POC1B: variants seen among roughly 807,000 people sequenced by gnomAD.
POC1B encodes POC1 centriolar protein homolog B.
In POC1B, 44 loss-of-function variants were observed where a neutral mutation model predicts 60.6. The observed-to-expected ratio is 0.73, with a 90% CI of 0.57 to 0.93. POC1B has a LOEUF of 0.93. Among genes scored for constraint, POC1B ranks in the 40% least tolerant of loss-of-function variants. The pLI is 0.00. For synonymous variants in POC1B, 180 were observed against 198.9 expected (o/e 0.90, Z 0.80); for missense variants, 555 against 572.3 (o/e 0.97, Z 0.31).
At chr12:89,520,286 G>A (rs1398457817) in intron 2 of POC1B, 1 of 151,926 alleles carries the variant, frequency 6.6e-6, no homozygotes, top group Non-Finnish European at 1.5e-5. Context: ...CTTTTGACAG[G>A]AGCATCAAGA....
chr12:89,478,803 C>A (rs534082144), intron 4 of POC1B, among the ~76,000 whole-genome samples: 1 of 152,186 alleles, frequency 6.6e-6, no homozygotes, highest in African/African-American at 2.4e-5. Flanking sequence ...CTATCAACAA[C>A]TGAAAATTAT....
In POC1B at chr12:89,425,143, A is replaced by AACCTGTGTCATGCCC; in HGVS notation, c.1332+3_1332+17dup. 1 of 1,612,366 alleles carries AACCTGTGTCATGCCC rather than the reference A, an allele frequency of 6.2e-7. No homozygotes were observed. The highest frequency in any genetic ancestry group is 1.1e-5 in the South Asian group (1 of 91,006). ...TTTTACCCCCAAGTGCAACTCATGC[A>AACCTGTGTCATGCCC]ACCTGTGTCATGCCCACCTGTGTCA... is the stretch of plus-strand genomic sequence containing the variant. On this transcript the variant is annotated intron_variant, in intron 11 of 11. Coordinates refer to ENST00000313546, the MANE Select transcript of POC1B (RefSeq NM_172240.3).
chr12:89,524,941 C>T (rs898549540), intron 2 of POC1B, 179 bp downstream of exon 2: 8 of 993,402 alleles, frequency 8.1e-6, no homozygotes, highest in Non-Finnish European at 1.0e-5. Context: ...GGCTGGGGGC[C>T]GGGATGGCAG....
chr12:89,421,023 C>A lies in POC1B; in HGVS notation c.*130G>T. 1.5e-6 allele frequency: 1 copy of A among 654,942 alleles called. No individual in the cohort carries two copies. Among genetic ancestry groups the A allele is most frequent in the Non-Finnish European group, 2.5e-6 (1 of 407,144 alleles). The allele number at this position is 654,942 out of a possible 1,614,324, so 40.6% of individuals were successfully genotyped here. ...TCTGCCTTTTGTTCTGTTGCTCACCCTTTTAAGAAATGCCATGATAAATAG... is the reference window on the plus strand; with the variant it reads ...TCTGCCTTTTGTTCTGTTGCTCACCATTTTAAGAAATGCCATGATAAATAG... On this transcript the variant is annotated 3_prime_UTR_variant, in exon 12 of 12. Transcript: ENST00000313546.
intron 10 of POC1B, among the ~76,000 whole-genome samples, chr12:89,451,922 G>C (rs559848840): frequency 6.6e-6 from 1 of 152,300 alleles, no homozygotes; most frequent in Non-Finnish European, 1.5e-5. Flanking sequence ...ATGGCATTTA[G>C]CTCCGTAGTA....
rs1871288131 is a variant in POC1B, at chr12:89,524,868, T to TA, written c.100+251dup. ...CTTCCCACTCACTCCTCCTGGTGGT[T>TA]AGTTTGCGAAAGTCGTCCGCCAGGC... is the stretch of plus-strand genomic sequence containing the variant. On this transcript the variant is annotated intron_variant, in intron 2 of 11. Transcript: ENST00000313546. 15 of 631,086 alleles carry TA rather than the reference T, an allele frequency of 2.4e-5. No individual in the cohort carries two copies. The South Asian group carries it at 2.9e-4, about 12-fold the overall frequency. The allele number at this position is 631,086 out of a possible 1,614,324, so 39.1% of individuals were successfully genotyped here. A position where few individuals can be genotyped will look rare whatever the true frequency, so the allele number is the denominator to read the frequency against.
chr12:89,525,315 C>T, intron 1 of POC1B, 111 bp from the exon 2 acceptor site: 2 of 1,459,910 alleles, frequency 1.4e-6, no homozygotes, highest in Non-Finnish European at 1.8e-6. Context: ...GCCACCCAGG[C>T]GGCGGCTTGG....
At chr12:89,501,400 C>G in intron 2 of POC1B, 2 of 999,308 alleles carry the variant, frequency 2.0e-6, no homozygotes, top group Non-Finnish European at 3.2e-6. Context: ...AGCTGAAGAA[C>G]AGCTCGATGT....
intron 10 of POC1B, among the ~76,000 whole-genome samples, chr12:89,452,045 T>G (rs116400270): frequency 0.017 from 2,532 of 152,274 alleles, 79 homozygotes; most frequent in African/African-American, 0.058. Flanking sequence ...CTGCTGTTCT[T>G]GCATTCCTCA....
chr12:89,429,537 C>G (rs999168722), intron 10 of POC1B: 1 of 152,206 alleles, frequency 6.6e-6, no homozygotes, highest in Non-Finnish European at 1.5e-5. Context: ...TTGAGATACT[C>G]TCCTATTTCA....
chr12:89,522,529 TTG>T, intron 2 of POC1B: 1 of 354,502 alleles, frequency 2.8e-6, no homozygotes, highest in Admixed American at 4.5e-5. Context: ...CTTAAATGTT[TTG>T]TGTGTTTCAA....
chr12:89,492,987 A>G (rs1592625065), intron 3 of POC1B, among the ~76,000 whole-genome samples: 1 of 152,176 alleles, frequency 6.6e-6, no homozygotes, highest in Non-Finnish European at 1.5e-5. Context: ...CTAAGAGCGT[A>G]ACTCCAAGCA....
At chr12:89,503,483 C>T (rs993564177) in intron 2 of POC1B, among the ~76,000 whole-genome samples, 5 of 152,210 alleles carry the variant, frequency 3.3e-5, no homozygotes, top group South Asian at 2.1e-4. Context: ...ACCTCCCAGC[C>T]GCCTGCCTTG....
Position 89,492,106 on chromosome 12 carries a change from T to C in POC1B, c.282A>G (p.Lys94=). The C allele has an allele frequency of 6.4e-7, 1 of 1,550,828 alleles. No individual in the cohort carries two copies. The highest frequency in any genetic ancestry group is 8.7e-7 in the Non-Finnish European group (1 of 1,153,898). ...VRLWIPDKRG[K]FSEFKAHTAP... The stretch of plus-strand genomic sequence containing the variant: ...CTGTATGAGCTTTAAATTCTGAGAA[T>C]TTTCCTCTCCTGGAAATAAACAGTT... Residue 94 remains lysine, a synonymous_variant, in exon 4 of 12, where the codon AAA becomes AAG. Coordinates refer to ENST00000313546, the MANE Select transcript of POC1B (RefSeq NM_172240.3).
intron 2 of POC1B, among the ~76,000 whole-genome samples, chr12:89,512,755 C>T (rs1870248940): frequency 6.6e-6 from 1 of 152,158 alleles, no homozygotes; most frequent in African/African-American, 2.4e-5. Flanking sequence ...ATAAGTATTA[C>T]TTTATTTAAT....
chr12:89,509,287 C>G (rs1592638165), intron 2 of POC1B, among the ~76,000 whole-genome samples: 1 of 152,132 alleles, frequency 6.6e-6, no homozygotes, highest in African/African-American at 2.4e-5. Context: ...TCAAATTGTT[C>G]CAGATTTGGC....
the POC1B span, among the ~76,000 whole-genome samples, chr12:89,410,955 A>G: frequency 6.6e-6 from 1 of 152,222 alleles, no homozygotes; most frequent in African/African-American, 2.4e-5. Context: ...CAAAAATCAC[A>G]AGCATTCCTA....
chr12:89,471,749 T>C lies in POC1B; in HGVS notation c.561-20A>G, dbSNP rs1256881650. The C allele has an allele frequency of 1.0e-5, 13 of 1,300,252 alleles. No individual in the cohort carries two copies. The highest frequency in any genetic ancestry group is 1.4e-5 in the Non-Finnish European group (13 of 926,010). 80.5% of individuals were successfully genotyped at this position (1,300,252 alleles called of 1,614,324 possible). A position where few individuals can be genotyped will look rare whatever the true frequency, so the allele number is the denominator to read the frequency against. On this transcript the variant is annotated intron_variant, in intron 5 of 11. Transcript: ENST00000313546. ...GCAAATCTAGGAGGAAAGAATAAGA[T>C]GACCTAATATTTCAATTTCTTTTTT...
Position 89,425,398 on chromosome 12 carries a change from T to C in POC1B, c.1114-19A>G. 6.3e-7 allele frequency: 1 copy of C among 1,588,932 alleles called. No homozygotes were observed. Among genetic ancestry groups the C allele is most frequent in the Non-Finnish European group, 8.6e-7 (1 of 1,166,034 alleles). On this transcript the variant is annotated intron_variant, in intron 10 of 11. Transcript: ENST00000313546. ...CTGTTGTCTTTAATGTCACAGAAAA[T>C]GTAGGAAGAGTTATATTTTCCAAAC...
Sources: allele counts gnomAD v4.1 joint callset (sites outside exome capture counted in the v4.1 genomes callset), GRCh38; gene constraint gnomAD v4.1.1; transcripts MANE v1.5; gene names NCBI Gene and HGNC (gene_info 2026-07-23, HGNC 2026-07-21).